Variants in GMDS observed in about 807,000 individuals in gnomAD.
The protein encoded by GMDS is GDP-mannose 4,6-dehydratase, also known as GDP-mannose 4,6 dehydratase.
A neutral mutation model predicts 49.9 loss-of-function variants in GMDS; 20 were observed. The observed-to-expected ratio is 0.40, with a 90% CI of 0.28 to 0.58. The LOEUF (loss-of-function observed/expected upper bound fraction) is 0.58, where lower values mean the gene tolerates loss of function less well. Among genes scored for constraint, GMDS ranks in the 20% least tolerant of loss-of-function variants. The pLI, the probability that GMDS is intolerant of heterozygous loss-of-function variation, is 0.42. For synonymous variants in GMDS, 177 were observed against 178.6 expected, an observed-to-expected ratio of 0.99 and a Z score of 0.07; for missense variants, 362 against 481.4, an observed-to-expected ratio of 0.75 and a Z score of 2.32.
intron 4 of GMDS, among the ~76,000 whole-genome samples, chr6:1,972,278 T>TTC (rs398000172): frequency 1.3e-5 from 2 of 150,290 alleles, no homozygotes; most frequent in Non-Finnish European, 3.0e-5. Flanking sequence ...TTTTTTTTTT[T>TTC]AGAAAATCTT....
chr6:1,987,605 TA>T (rs1765634855), intron 4 of GMDS, among the ~76,000 whole-genome samples: 1 of 151,954 alleles, frequency 6.6e-6, no homozygotes, highest in Non-Finnish European at 1.5e-5. Context: ...ACTGACAATA[TA>T]AAGAGGTGAA....
chr6:1,841,860 C>T (rs972858323), intron 7 of GMDS, among the ~76,000 whole-genome samples: 2 of 152,238 alleles, frequency 1.3e-5, no homozygotes, highest in African/African-American at 4.8e-5. Context: ...TCACTCACTT[C>T]TATCCCACTG....
At chr6:2,143,521 T>C (rs530573312) in intron 1 of GMDS, among the ~76,000 whole-genome samples, 1 of 152,206 alleles carries the variant, frequency 6.6e-6, no homozygotes, top group Admixed American at 6.5e-5. Flanking sequence ...TTGATTTCCA[T>C]TGCCTATTCT....
intron 9 of GMDS, among the ~76,000 whole-genome samples, chr6:1,699,419 G>A (rs1765462343): frequency 6.6e-6 from 1 of 152,038 alleles, no homozygotes; most frequent in Non-Finnish European, 1.5e-5. Context: ...GGAGAGGCTG[G>A]AGCCAGTCCA....
In GMDS at chr6:1,944,669, CAAAAAAAA is replaced by C. The variant is rs56229524; in HGVS notation, c.644-14447_644-14440del. Among the ~76,000 whole-genome samples, 57 of 101,130 alleles carry C rather than the reference CAAAAAAAA, an allele frequency of 5.6e-4. 1 individual carries two copies. Among genetic ancestry groups the C allele is most frequent in the Middle Eastern group, 5.4e-3 (1 of 184 alleles). 66.3% of individuals were successfully genotyped at this position (101,130 alleles called of 152,430 possible). On this transcript the variant is annotated intron_variant, in intron 6 of 10. Transcript: ENST00000380815. Reference sequence around the variant, plus strand: ...TGGGTGACAGAGCGAGACTCCGTCTCAAAAAAAAAAAAAAAAAAAAAAAAATTTCACGT... The same window carrying C: ...TGGGTGACAGAGCGAGACTCCGTCTCAAAAAAAAAAAAAAAAATTTCACGT...
Position 1,676,152 on chromosome 6 carries a change from A to T in GMDS, c.987+50264T>A, listed in dbSNP as rs1171425131. Among the ~76,000 whole-genome samples, 5 of 152,340 alleles carry T rather than the reference A, an allele frequency of 3.3e-5. No individual in the cohort carries two copies. The East Asian group carries it at 9.6e-4, about 29-fold the overall frequency. ...ATACACCAATAACAGACAAACAGAG[A>T]GCCAAATCATGAGTGAACTCCCATT... On this transcript the variant is annotated intron_variant, in intron 9 of 10. Coordinates refer to ENST00000380815, the MANE Select transcript of GMDS (RefSeq NM_001500.4).
chr6:2,006,414 C>A (rs1767175597), intron 4 of GMDS, among the ~76,000 whole-genome samples: 2 of 152,018 alleles, frequency 1.3e-5, no homozygotes, highest in African/African-American at 4.8e-5. Flanking sequence ...AACCACACAG[C>A]AAGATCCTGT....
intron 7 of GMDS, among the ~76,000 whole-genome samples, chr6:1,846,102 C>G (rs1195713187): frequency 7.5e-6 from 1 of 132,716 alleles, no homozygotes; most frequent in Non-Finnish European, 1.6e-5. Context: ...TTTTTTTTTC[C>G]TCCTTGAGAC....
intron 8 of GMDS, among the ~76,000 whole-genome samples, chr6:1,740,974 A>G (rs891052925): frequency 6.6e-6 from 1 of 152,204 alleles, no homozygotes; most frequent in Non-Finnish European, 1.5e-5. Flanking sequence ...AATTGGAAGT[A>G]TATTGAGACA....
At chr6:1,951,810 A>G (rs1763354242) in intron 6 of GMDS, 1 of 624,820 alleles carries the variant, frequency 1.6e-6, no homozygotes. Context: ...AACTATGTTT[A>G]TTGTAATTAT....
chr6:2,012,152 G>A (rs543023009), intron 4 of GMDS, among the ~76,000 whole-genome samples: 1 of 152,082 alleles, frequency 6.6e-6, no homozygotes, highest in East Asian at 1.9e-4. Flanking sequence ...TACGTGGTGG[G>A]TATAATGTAC....
chr6:2,014,501 A>G (rs1402360022), intron 4 of GMDS, among the ~76,000 whole-genome samples: 2 of 152,092 alleles, frequency 1.3e-5, no homozygotes, highest in African/African-American at 2.4e-5. Flanking sequence ...ACCGTTATTT[A>G]AAAGTGAATT....
At chr6:1,888,161 G>C in intron 7 of GMDS, among the ~76,000 whole-genome samples, 1 of 148,326 alleles carries the variant, frequency 6.7e-6, no homozygotes, top group East Asian at 2.0e-4. Context: ...GAAGAGATGA[G>C]GGTCTTGCTG....
At chr6:1,850,337 T>C (rs1327465497) in intron 7 of GMDS, among the ~76,000 whole-genome samples, 5 of 152,232 alleles carry the variant, frequency 3.3e-5, no homozygotes, top group Non-Finnish European at 7.3e-5. Context: ...ATACATGTTG[T>C]AGTGAGGCGC....
intron 4 of GMDS, among the ~76,000 whole-genome samples, chr6:1,975,960 C>T (rs1281781475): frequency 6.6e-6 from 1 of 152,166 alleles, no homozygotes; most frequent in Non-Finnish European, 1.5e-5. Flanking sequence ...GGTAACCACA[C>T]TTTGAGATGG....
In GMDS at chr6:1,731,955, A is replaced by G. The variant is rs1407199057; in HGVS notation, c.891-5443T>C. Among the ~76,000 whole-genome samples the G allele has an allele frequency of 2.6e-5, 4 of 152,230 alleles. No homozygotes were observed. In the East Asian group the frequency reaches 7.7e-4, roughly 29 times the overall value. ...AGCAGAGTATGGGGTAAAGTTAGTGATAAGTACACAGAAAATCAATAGAAC... is the reference window on the plus strand; with the variant it reads ...AGCAGAGTATGGGGTAAAGTTAGTGGTAAGTACACAGAAAATCAATAGAAC... On this transcript the variant is annotated intron_variant, in intron 8 of 10. Transcript: ENST00000380815.
chr6:1,812,589 A>G (rs1770483230), intron 7 of GMDS, among the ~76,000 whole-genome samples: 1 of 152,118 alleles, frequency 6.6e-6, no homozygotes, highest in South Asian at 2.1e-4. Flanking sequence ...GAGAAGCCAC[A>G]AAAGGAAGGG....
At position 2,180,853 on chromosome 6, in the gene GMDS, T is replaced by C. The variant is rs924573476; in HGVS notation, c.103-56122A>G. Among the ~76,000 whole-genome samples the C allele has an allele frequency of 3.9e-5, 6 of 152,048 alleles. No homozygotes were observed. The East Asian group carries it at 1.2e-3, about 29-fold the overall frequency. ...ATTAGGTATTTCCTCTCCAAGTCAT[T>C]TGTAACAAAAGTACATAAGACAGAT... On this transcript the variant is annotated intron_variant, in intron 1 of 10. Coordinates refer to ENST00000380815, the MANE Select transcript of GMDS (RefSeq NM_001500.4).
intron 6 of GMDS, among the ~76,000 whole-genome samples, chr6:1,931,523 A>G (rs937882613): frequency 1.3e-5 from 2 of 152,244 alleles, no homozygotes; most frequent in African/African-American, 4.8e-5. Flanking sequence ...TCAACTTTCC[A>G]CAGAGGTTTA....
Sources: allele counts gnomAD v4.1 joint callset (sites outside exome capture counted in the v4.1 genomes callset), GRCh38; gene constraint gnomAD v4.1.1; transcripts MANE v1.5; gene names NCBI Gene and HGNC (gene_info 2026-07-23, HGNC 2026-07-21).